The following ARID1B variants were observed in gnomAD, a reference collection of about 807,000 sequenced individuals.
The protein encoded by ARID1B is AT-rich interactive domain-containing protein 1B.
Under a neutral mutation model 212.3 loss-of-function variants are expected in ARID1B, and 30 were observed. The observed-to-expected ratio is 0.14, with a 90% CI of 0.11 to 0.19. The LOEUF is 0.19. Ranked by LOEUF, ARID1B falls within the 10% of genes least tolerant of loss-of-function variation. The pLI is 1.00. For missense variants in ARID1B, 2,891 were observed against 3,204.0 expected (o/e 0.90, Z 2.36); for synonymous variants, 1,402 against 1,301.7 (o/e 1.08, Z -1.66).
chr6:156,782,966 A>G (rs1779379471), intron 1 of ARID1B, among the ~76,000 whole-genome samples: 1 of 151,904 alleles, frequency 6.6e-6, no homozygotes, highest in South Asian at 2.1e-4. Context: ...ACTTTTGACA[A>G]TATTTTGGTA....
intron 1 of ARID1B, among the ~76,000 whole-genome samples, chr6:156,795,478 A>G (rs1432985016): frequency 2.6e-5 from 4 of 152,228 alleles, no homozygotes; most frequent in Non-Finnish European, 5.9e-5. Context: ...TTGTCAACCA[A>G]ACACCAAAAT....
At chr6:157,019,302 G>A (rs1780086384) in intron 4 of ARID1B, among the ~76,000 whole-genome samples, 1 of 152,152 alleles carries the variant, frequency 6.6e-6, no homozygotes, top group African/African-American at 2.4e-5. Context: ...ATTGGTAATG[G>A]GAATGGAGGC....
At chr6:156,986,838 A>T (rs1246367233) in intron 4 of ARID1B, among the ~76,000 whole-genome samples, 1 of 152,178 alleles carries the variant, frequency 6.6e-6, no homozygotes, top group African/African-American at 2.4e-5. Context: ...GTGATTAAAC[A>T]GGATTAAAAC....
intron 1 of ARID1B, 114 bp downstream of exon 1, chr6:156,779,585 G>C: frequency 9.2e-7 from 1 of 1,086,864 alleles, no homozygotes. Flanking sequence ...GGCGGCGGGG[G>C]CGCGGCGCCC....
chr6:156,780,720 A>G (rs1233287525), intron 1 of ARID1B, among the ~76,000 whole-genome samples: 2 of 152,248 alleles, frequency 1.3e-5, no homozygotes, highest in African/African-American at 4.8e-5. Context: ...ATAGTTATTA[A>G]TAAGAGGATC....
chr6:156,986,095 G>T (rs547921267), intron 4 of ARID1B, among the ~76,000 whole-genome samples: 1 of 152,292 alleles, frequency 6.6e-6, no homozygotes, highest in South Asian at 2.1e-4. Context: ...ATTCACAGAG[G>T]AAGGGAAAGC....
At chr6:156,962,049 T>C (rs11156123) in intron 4 of ARID1B, among the ~76,000 whole-genome samples, 86,305 of 151,882 alleles carry the variant, frequency 0.57, 25,231 homozygotes, top group African/African-American at 0.71. Context: ...CCTGTAATCC[T>C]AGCACTTTGG....
intron 4 of ARID1B, among the ~76,000 whole-genome samples, chr6:157,045,320 C>G (rs1410220381): frequency 1.3e-5 from 2 of 152,186 alleles, no homozygotes; most frequent in African/African-American, 4.8e-5. Flanking sequence ...TTGTAAGATT[C>G]TACCCAATAA....
intron 3 of ARID1B, among the ~76,000 whole-genome samples, chr6:156,909,810 C>T (rs934813490): frequency 1.3e-5 from 2 of 152,166 alleles, no homozygotes; most frequent in African/African-American, 4.8e-5. Flanking sequence ...ATCATGTTCC[C>T]AACATCTTAG....
chr6:157,099,365 G>C lies in ARID1B; in HGVS notation c.2492-11107G>C, dbSNP rs191408879. On this transcript the variant is annotated intron_variant, in intron 5 of 19. Transcript: ENST00000636930. The stretch of plus-strand genomic sequence containing the variant: ...CCTTTGCCTTGCCAGAGACTTTTCA[G>C]TTTCTTTGCCCCAAGTTCTCTGTGG... Among the ~76,000 whole-genome samples the C allele has an allele frequency of 6.8e-4, 104 of 152,206 alleles. 1 individual carries two copies. The highest frequency in any genetic ancestry group is 2.2e-3 in the African/African-American group (91 of 41,534).
intron 4 of ARID1B, among the ~76,000 whole-genome samples, chr6:157,014,437 G>A (rs1438742925): frequency 6.6e-6 from 1 of 152,168 alleles, no homozygotes; most frequent in African/African-American, 2.4e-5. Flanking sequence ...GCTACAGTTA[G>A]GAAATCAGCT....
At chr6:156,915,127 CTGGGT>C (rs1349297759) in intron 3 of ARID1B, among the ~76,000 whole-genome samples, 2 of 152,122 alleles carry the variant, frequency 1.3e-5, no homozygotes, top group African/African-American at 4.8e-5. Flanking sequence ...ATGTTTACTG[CTGGGT>C]ATTTAAATTT....
intron 3 of ARID1B, among the ~76,000 whole-genome samples, chr6:156,917,173 T>G (rs1790426654): frequency 1.3e-5 from 2 of 152,182 alleles, no homozygotes; most frequent in African/African-American, 4.8e-5. Context: ...TAAAAAACCT[T>G]AGTGTAAAGC....
intron 1 of ARID1B, among the ~76,000 whole-genome samples, chr6:156,784,847 C>T (rs1012436875): frequency 1.3e-5 from 2 of 152,166 alleles, no homozygotes; most frequent in Middle Eastern, 3.2e-3. Flanking sequence ...GTGGCCTTGA[C>T]CTCCCAGATT....
chr6:156,852,876 T>C (rs1006255457), intron 2 of ARID1B, among the ~76,000 whole-genome samples: 2 of 152,222 alleles, frequency 1.3e-5, no homozygotes, highest in Non-Finnish European at 2.9e-5. Flanking sequence ...CTCCTTCACT[T>C]AATTGGGAGA....
chr6:156,953,186 G>A (rs1226402721), intron 4 of ARID1B, among the ~76,000 whole-genome samples: 1 of 152,206 alleles, frequency 6.6e-6, no homozygotes, highest in Non-Finnish European at 1.5e-5. Context: ...TCTTGAGTAT[G>A]TTGGGGTTAG....
intron 4 of ARID1B, among the ~76,000 whole-genome samples, chr6:157,070,736 A>G (rs140785859): frequency 3.9e-4 from 60 of 152,192 alleles, no homozygotes; most frequent in Non-Finnish European, 7.6e-4. Flanking sequence ...ACATTGCTAG[A>G]TTAGGAACAG....
chr6:156,910,566 C>T (rs747106493), intron 3 of ARID1B, among the ~76,000 whole-genome samples: 7 of 152,148 alleles, frequency 4.6e-5, no homozygotes, highest in Non-Finnish European at 7.4e-5. Context: ...TTTCTCTGTT[C>T]TCGGTCTGCT....
At chr6:156,980,693 G>A (rs2128374831) in intron 4 of ARID1B, among the ~76,000 whole-genome samples, 1 of 152,254 alleles carries the variant, frequency 6.6e-6, no homozygotes, top group East Asian at 1.9e-4. Context: ...CCTGAGCAGG[G>A]ATCCCTGGAG....
Sources: allele counts gnomAD v4.1 joint callset (sites outside exome capture counted in the v4.1 genomes callset), GRCh38; gene constraint gnomAD v4.1.1; transcripts MANE v1.5; gene names NCBI Gene and HGNC (gene_info 2026-07-23, HGNC 2026-07-21).